CSMD1: variants seen among roughly 807,000 people sequenced by gnomAD.
CSMD1 encodes CUB and sushi domain-containing protein 1.
In CSMD1, 213 loss-of-function variants were observed where a neutral mutation model predicts 417.5. That is an observed-to-expected ratio of 0.51 (90% CI 0.46 to 0.57). CSMD1 has a LOEUF of 0.57. Among genes scored for constraint, CSMD1 ranks in the 20% least tolerant of loss-of-function variants. The probability of loss-of-function intolerance (pLI) is 0.00; values close to 1 mark genes in which losing one functional copy is unlikely to be tolerated. For missense variants in CSMD1, 6,923 were observed against 4,529.7 expected (o/e 1.53, Z -15.17); for synonymous variants, 2,862 against 1,736.8 (o/e 1.65, Z -16.11).
chr8:4,248,479 G>C (rs908623597), intron 3 of CSMD1, among the ~76,000 whole-genome samples: 13 of 152,092 alleles, frequency 8.5e-5, no homozygotes, highest in African/African-American at 2.2e-4. Flanking sequence ...CGTTACTTAC[G>C]AATACTTTTG....
chr8:3,160,116 CA>C (rs1420001401), intron 38 of CSMD1, among the ~76,000 whole-genome samples: 1 of 152,032 alleles, frequency 6.6e-6, no homozygotes. Flanking sequence ...ATATGAAAGA[CA>C]ATTCTTTTCT....
chr8:3,344,775 G>A (rs528701584), intron 22 of CSMD1, among the ~76,000 whole-genome samples: 1 of 152,234 alleles, frequency 6.6e-6, no homozygotes, highest in Non-Finnish European at 1.5e-5. Context: ...GATGTACACA[G>A]ATATAGATAC....
chr8:3,965,894 G>T (rs146000614), intron 5 of CSMD1, among the ~76,000 whole-genome samples: 39 of 152,242 alleles, frequency 2.6e-4, no homozygotes, highest in African/African-American at 8.4e-4. Context: ...TAGGACTACA[G>T]GTATGAGCCA....
At chr8:3,866,867 G>A (rs1462271861) in intron 5 of CSMD1, among the ~76,000 whole-genome samples, 1 of 152,158 alleles carries the variant, frequency 6.6e-6, no homozygotes, top group Non-Finnish European at 1.5e-5. Context: ...TAGGACTCCA[G>A]TTCTGCTGCA....
intron 49 of CSMD1, among the ~76,000 whole-genome samples, chr8:3,063,288 CA>C (rs1199725443): frequency 6.6e-6 from 1 of 152,148 alleles, no homozygotes; most frequent in East Asian, 1.9e-4. Context: ...TAACCTATTT[CA>C]GCTTCAGTTT....
At chr8:2,965,611 G>T (rs1034049737) in intron 59 of CSMD1, among the ~76,000 whole-genome samples, 164 bp downstream of exon 59, 3 of 152,156 alleles carry the variant, frequency 2.0e-5, no homozygotes, top group African/African-American at 7.2e-5. Context: ...GTAAAACTGA[G>T]ATTAAAGTAT....
intron 17 of CSMD1, among the ~76,000 whole-genome samples, chr8:3,390,786 G>C (rs899998035): frequency 1.3e-5 from 2 of 152,016 alleles, no homozygotes; most frequent in Admixed American, 1.3e-4. Flanking sequence ...GATATGAGCA[G>C]GGTTCTGTAT....
chr8:4,166,635 G>C lies in CSMD1; in HGVS notation c.416-134536C>G, dbSNP rs59226494. On this transcript the variant is annotated intron_variant, in intron 3 of 69. Coordinates refer to ENST00000635120, the MANE Select transcript of CSMD1 (RefSeq NM_033225.6). ...TGTAGGATGGGAGCAGGGGACAGAA[G>C]ACTGCATATTGGGTACCGTGTACAC... 3.3e-4 allele frequency among the ~76,000 whole-genome samples: 50 copies of C among 152,280 alleles called. No homozygotes were observed. In the East Asian group the frequency reaches 7.2e-3, roughly 22 times the overall value.
intron 1 of CSMD1, among the ~76,000 whole-genome samples, chr8:4,810,021 G>T (rs777988598): frequency 6.6e-6 from 1 of 152,224 alleles, no homozygotes; most frequent in African/African-American, 2.4e-5. Context: ...CAAGTGCTTA[G>T]AATGAGGGTT....
At chr8:4,426,423 A>G (rs1263783452) in intron 2 of CSMD1, among the ~76,000 whole-genome samples, 1 of 148,962 alleles carries the variant, frequency 6.7e-6, no homozygotes, top group South Asian at 2.1e-4. Flanking sequence ...ATACAATATC[A>G]TAAACATATA....
chr8:3,476,273 T>A (rs993878079), intron 11 of CSMD1, among the ~76,000 whole-genome samples: 1 of 152,198 alleles, frequency 6.6e-6, no homozygotes, highest in Non-Finnish European at 1.5e-5. Flanking sequence ...AATTCCCATG[T>A]TGTTGTGTGT....
intron 3 of CSMD1, among the ~76,000 whole-genome samples, chr8:4,111,442 C>T (rs1333356500): frequency 1.3e-5 from 2 of 151,992 alleles, no homozygotes; most frequent in African/African-American, 4.8e-5. Flanking sequence ...AGGATATATA[C>T]CCAGTAATGG....
intron 3 of CSMD1, among the ~76,000 whole-genome samples, chr8:4,227,327 C>T (rs1801420110): frequency 6.6e-6 from 1 of 152,126 alleles, no homozygotes; most frequent in Non-Finnish European, 1.5e-5. Flanking sequence ...CCACCACTCA[C>T]CACCCCTGCC....
intron 12 of CSMD1, among the ~76,000 whole-genome samples, chr8:3,419,637 T>C (rs1299411247): frequency 2.0e-5 from 3 of 152,022 alleles, no homozygotes; most frequent in African/African-American, 7.2e-5. Flanking sequence ...ATCAACAGGA[T>C]TGAGAAGCAA....
intron 1 of CSMD1, among the ~76,000 whole-genome samples, chr8:4,808,288 C>T (rs961900447): frequency 1.3e-5 from 2 of 152,122 alleles, no homozygotes; most frequent in Admixed American, 1.3e-4. Flanking sequence ...AAAAAGGGTG[C>T]TAATTATTTG....
chr8:3,191,596 G>C (rs997773296), intron 33 of CSMD1, among the ~76,000 whole-genome samples: 2 of 152,160 alleles, frequency 1.3e-5, no homozygotes, highest in Admixed American at 1.3e-4. Flanking sequence ...GTATCTCATG[G>C]GCTTTGGATA....
At position 3,709,680 on chromosome 8, in the gene CSMD1, G is replaced by GTTTTTTTTTTTT. The variant is rs56272726; in HGVS notation, c.932-1201_932-1190dup. Among the ~76,000 whole-genome samples, 112 of 33,666 alleles carry GTTTTTTTTTTTT rather than the reference G, an allele frequency of 3.3e-3. 20 individuals are homozygous for GTTTTTTTTTTTT. Among genetic ancestry groups the GTTTTTTTTTTTT allele is most frequent in the Non-Finnish European group, 3.8e-3 (66 of 17,522 alleles). 22.1% of individuals were successfully genotyped at this position (33,666 alleles called of 152,430 possible). ...GATGGGCTTTAAATTGCAGCAGCAT[G>GTTTTTTTTTTTT]TTTTTTTTTTTTTTTTTTTTTTTTT... On this transcript the variant is annotated intron_variant, in intron 6 of 69. Transcript: ENST00000635120.
chr8:4,195,117 C>T (rs190934189), intron 3 of CSMD1, among the ~76,000 whole-genome samples: 27 of 152,268 alleles, frequency 1.8e-4, no homozygotes, highest in African/African-American at 6.5e-4. Context: ...CCAGATGAAA[C>T]ATTTTAAAGG....
chr8:3,333,603 C>G (rs78014325), intron 23 of CSMD1, among the ~76,000 whole-genome samples: 1 of 152,162 alleles, frequency 6.6e-6, no homozygotes, highest in Admixed American at 6.5e-5. Flanking sequence ...ATATGTTTGC[C>G]ATAATCTTAA....
Sources: gnomAD v4.1 joint callset for allele counts (sites outside exome capture counted in the v4.1 genomes callset) on GRCh38, gnomAD v4.1.1 for gene constraint, MANE v1.5 for transcripts, NCBI Gene and HGNC (gene_info 2026-07-23, HGNC 2026-07-21) for gene names.